Variants in TTC3 observed in about 807,000 individuals in gnomAD.
The protein encoded by TTC3 is tetratricopeptide repeat domain 3.
A neutral mutation model predicts 249.6 loss-of-function variants in TTC3; 180 were observed. That is an observed-to-expected ratio of 0.72 (90% CI 0.64 to 0.82). The LOEUF (loss-of-function observed/expected upper bound fraction) is 0.82, where lower values mean the gene tolerates loss of function less well. Among genes scored for constraint, TTC3 ranks in the 40% least tolerant of loss-of-function variants. The pLI is 0.00. For missense variants in TTC3, 2,061 were observed against 2,398.4 expected, an observed-to-expected ratio of 0.86 and a Z score of 2.94; for synonymous variants, 717 against 805.0, an observed-to-expected ratio of 0.89 and a Z score of 1.85.
At chr21:37,167,379 G>A (rs1793886) in intron 33 of TTC3, among the ~76,000 whole-genome samples, 176 bp from the exon 34 acceptor site, 152,313 of 152,322 alleles carry the variant, frequency 1, 76,152 homozygotes, top group Middle Eastern at 1. Flanking sequence ...TTCCAGATAT[G>A]CTAATTCTAA....
chr21:37,182,947 TAA>T, intron 36 of TTC3, 34 bp downstream of exon 36: 1 of 1,447,810 alleles, frequency 6.9e-7, no homozygotes, highest in Non-Finnish European at 9.2e-7. Flanking sequence ...AATTTTTATT[TAA>T]AAAAAAATAT....
intron 35 of TTC3, among the ~76,000 whole-genome samples, chr21:37,179,795 C>G (rs1382860725): frequency 6.6e-6 from 1 of 152,138 alleles, no homozygotes; most frequent in East Asian, 1.9e-4. Flanking sequence ...CCACCAGCCC[C>G]AGAAGGGTGG....
At chr21:37,146,080 C>A (rs1555890797) in intron 21 of TTC3, among the ~76,000 whole-genome samples, 1 of 152,196 alleles carries the variant, frequency 6.6e-6, no homozygotes, top group Non-Finnish European at 1.5e-5. Context: ...ATGTTCATAG[C>A]AGCATTAGTC....
exon 33 of TTC3, chr21:37,166,500 G>T: frequency 6.2e-7 from 1 of 1,614,168 alleles, no homozygotes; most frequent in South Asian, 1.1e-5. Flanking sequence ...ACAGTCCTGA[G>T]TGAGTCTAAC....
intron 39 of TTC3, among the ~76,000 whole-genome samples, chr21:37,190,130 CTTTTTTTTTTT>C (rs138862573): frequency 4.6e-5 from 3 of 65,024 alleles, no homozygotes; most frequent in Admixed American, 2.4e-4. Context: ...CTTTTTCTTT[CTTTTTTTTTTT>C]TTTTTTTTTT....
chr21:37,181,804 A>G (rs563383849), intron 35 of TTC3, among the ~76,000 whole-genome samples: 41 of 152,284 alleles, frequency 2.7e-4, no homozygotes, highest in South Asian at 4.1e-4. Context: ...ATGATTTCCT[A>G]TGGAATCCAT....
intron 1 of TTC3, among the ~76,000 whole-genome samples, chr21:37,080,182 A>G (rs577509706): frequency 4.6e-5 from 7 of 152,308 alleles, no homozygotes; most frequent in African/African-American, 1.4e-4. Flanking sequence ...TGCTTATCTA[A>G]CATAGTTTAA....
At chr21:37,094,637 G>T (rs2835599) in intron 8 of TTC3, among the ~76,000 whole-genome samples, 67,271 of 151,958 alleles carry the variant, frequency 0.44, 15,409 homozygotes, top group Non-Finnish European at 0.51. Flanking sequence ...AAGGCTTTTT[G>T]AATAACATCA....
chr21:37,156,740 T>A (rs1359702283), exon 28 of TTC3: 2 of 1,614,108 alleles, frequency 1.2e-6, no homozygotes, highest in Admixed American at 3.3e-5. Flanking sequence ...TCCTCTGGAA[T>A]GAGAAATATG....
At chr21:37,092,516 G>A (rs562566883) in intron 7 of TTC3, among the ~76,000 whole-genome samples, 1 of 152,282 alleles carries the variant, frequency 6.6e-6, no homozygotes, top group South Asian at 2.1e-4. Context: ...TCTGCAAGGT[G>A]GCTGTTACTA....
chr21:37,076,014 C>T (rs1302239008), intron 1 of TTC3, among the ~76,000 whole-genome samples: 2 of 152,136 alleles, frequency 1.3e-5, no homozygotes, highest in African/African-American at 2.4e-5. Flanking sequence ...TATGAATTCA[C>T]CACTCAATCC....
At chr21:37,112,274 T>C (rs2075740391) in intron 11 of TTC3, among the ~76,000 whole-genome samples, 1 of 152,046 alleles carries the variant, frequency 6.6e-6, no homozygotes, top group Admixed American at 6.6e-5. Context: ...TCTGAAAAGA[T>C]CAACAAAATT....
At chr21:37,135,327 T>C in intron 17 of TTC3, 53 bp from the exon 18 acceptor site, 2 of 1,556,246 alleles carry the variant, frequency 1.3e-6, no homozygotes, top group South Asian at 2.4e-5. Flanking sequence ...TCTTAGGTTT[T>C]AAATTAAAAA....
intron 38 of TTC3, among the ~76,000 whole-genome samples, chr21:37,187,430 TACACTTTGA>T (rs2083428843): frequency 6.6e-6 from 1 of 152,238 alleles, no homozygotes; most frequent in Admixed American, 6.5e-5. Flanking sequence ...TCCTATATTA[TACACTTTGA>T]ATACTTTCAT....
chr21:37,159,820 A>G (rs2080522367), intron 29 of TTC3, 75 bp downstream of exon 29: 1 of 1,410,422 alleles, frequency 7.1e-7, no homozygotes, highest in East Asian at 2.3e-5. Flanking sequence ...GACCCAGGCC[A>G]GTGTTTATTG....
chr21:37,121,757 C>G, intron 11 of TTC3, 60 bp from the exon 12 acceptor site: 1 of 1,431,258 alleles, frequency 7.0e-7, no homozygotes, highest in South Asian at 1.6e-5. Context: ...TTTTCCTTAC[C>G]TGTTTTCTTT....
intron 15 of TTC3, 54 bp from the exon 16 acceptor site, chr21:37,128,949 G>T: frequency 7.4e-7 from 1 of 1,349,258 alleles, no homozygotes; most frequent in Non-Finnish European, 1.0e-6. Flanking sequence ...TTTACTCTCA[G>T]GCTTGTAGAT....
exon 42 of TTC3, chr21:37,195,722 G>T: frequency 6.2e-7 from 1 of 1,613,978 alleles, no homozygotes. Flanking sequence ...ATGGCCAAGG[G>T]CTTGTGACTT....
intron 45 of TTC3, 132 bp from the exon 46 acceptor site, chr21:37,201,308 G>A: frequency 8.9e-7 from 1 of 1,117,938 alleles, no homozygotes. Context: ...GTGTCCCTGA[G>A]TATTGGGCAG....
Sources: allele counts gnomAD v4.1 joint callset (sites outside exome capture counted in the v4.1 genomes callset), GRCh38; gene constraint gnomAD v4.1.1; transcripts MANE v1.5; gene names NCBI Gene and HGNC (gene_info 2026-07-23, HGNC 2026-07-21).